Variants in UBE2H observed in about 807,000 individuals in gnomAD.
UBE2H encodes the protein ubiquitin-conjugating enzyme E2 H.
In UBE2H, 3 loss-of-function variants were observed where a neutral mutation model predicts 29.0. That is an observed-to-expected ratio of 0.10 (90% confidence interval 0.05 to 0.27). The LOEUF (loss-of-function observed/expected upper bound fraction) is 0.27. Among genes scored for constraint, UBE2H ranks in the 10% least tolerant of loss-of-function variants. UBE2H has a pLI of 1.00. For synonymous variants in UBE2H, 69 were observed against 82.9 expected, an observed-to-expected ratio of 0.83 and a Z score of 0.91; for missense variants, 68 against 228.2, an observed-to-expected ratio of 0.30 and a Z score of 4.52.
intron 1 of UBE2H, among the ~76,000 whole-genome samples, chr7:129,948,372 A>G (rs1807805884): frequency 6.6e-6 from 1 of 152,232 alleles, no homozygotes; most frequent in Non-Finnish European, 1.5e-5. Flanking sequence ...CCTAAAGCAG[A>G]CACCAACGAT....
intron 1 of UBE2H, among the ~76,000 whole-genome samples, chr7:129,937,588 C>T (rs1490579884): frequency 2.0e-5 from 3 of 152,114 alleles, no homozygotes; most frequent in Admixed American, 1.3e-4. Context: ...TTCACAACAG[C>T]ATGACAAACA....
At chr7:129,856,372 AC>A (rs1805705125) in intron 5 of UBE2H, among the ~76,000 whole-genome samples, 1 of 152,058 alleles carries the variant, frequency 6.6e-6, no homozygotes, top group Admixed American at 6.6e-5. Flanking sequence ...TTCAACCCAT[AC>A]TGGTGAAGGG....
intron 3 of UBE2H, among the ~76,000 whole-genome samples, chr7:129,861,767 T>C (rs927350498): frequency 6.6e-6 from 1 of 152,048 alleles, no homozygotes; most frequent in African/African-American, 2.4e-5. Flanking sequence ...GGCGCCCACC[T>C]GTAGTCCCAG....
intron 1 of UBE2H, among the ~76,000 whole-genome samples, chr7:129,885,316 A>C (rs1806337637): frequency 6.6e-6 from 1 of 152,260 alleles, no homozygotes; most frequent in Admixed American, 6.5e-5. Flanking sequence ...TTATAACATA[A>C]AAATCCACAG....
intron 1 of UBE2H, among the ~76,000 whole-genome samples, chr7:129,908,284 C>T (rs1414588781): frequency 6.6e-6 from 1 of 152,152 alleles, no homozygotes; most frequent in South Asian, 2.1e-4. Context: ...AATAAGAAAC[C>T]TTTGTGTCTC....
chr7:129,943,612 A>G (rs1217194666), intron 1 of UBE2H, among the ~76,000 whole-genome samples: 1 of 152,066 alleles, frequency 6.6e-6, no homozygotes, highest in Non-Finnish European at 1.5e-5. Flanking sequence ...CAAACAAAAA[A>G]CCAGATTGGC....
At chr7:129,919,307 A>G (rs1005263689) in intron 1 of UBE2H, among the ~76,000 whole-genome samples, 5 of 152,268 alleles carry the variant, frequency 3.3e-5, no homozygotes, top group African/African-American at 1.2e-4. Context: ...TTGATTGACC[A>G]TCACGTTTAA....
In UBE2H at chr7:129,863,808, G is replaced by GTTTTTTTTTTTCTGTTTTT. The variant is rs1554432032; in HGVS notation, c.206-4868_206-4867insAAAAACAGAAAAAAAAAAA. On this transcript the variant is annotated intron_variant, in intron 3 of 6. Coordinates refer to ENST00000355621, the MANE Select transcript of UBE2H (RefSeq NM_003344.4). ...AAAATGATCTCTTCCAATACTAGGT[G>GTTTTTTTTTTTCTGTTTTT]TTTTTTTTTTTTTTTGAGATAAGGT... Among the ~76,000 whole-genome samples, 1,044 of 135,954 alleles carry GTTTTTTTTTTTCTGTTTTT rather than the reference G, an allele frequency of 7.7e-3. 11 individuals carry two copies. Among genetic ancestry groups the GTTTTTTTTTTTCTGTTTTT allele is most frequent in the Non-Finnish European group, 0.012 (789 of 63,572 alleles). 89.2% of individuals were successfully genotyped at this position (135,954 alleles called of 152,430 possible).
chr7:129,885,260 G>C (rs531325014), intron 1 of UBE2H, among the ~76,000 whole-genome samples: 3 of 152,274 alleles, frequency 2.0e-5, no homozygotes, highest in African/African-American at 7.2e-5. Flanking sequence ...GAACGGAGTA[G>C]TGCAGAAGAT....
intron 1 of UBE2H, among the ~76,000 whole-genome samples, chr7:129,890,349 G>GTATA (rs1806457160): frequency 6.6e-6 from 1 of 151,334 alleles, no homozygotes; most frequent in South Asian, 2.1e-4. Context: ...ATATATGTAT[G>GTATA]TATATATACA....
chr7:129,837,963 G>C (rs1291917796), intron 6 of UBE2H, among the ~76,000 whole-genome samples: 1 of 152,172 alleles, frequency 6.6e-6, no homozygotes, highest in Non-Finnish European at 1.5e-5. Flanking sequence ...AAATTGTTGA[G>C]ACAGAATGCA....
intron 1 of UBE2H, among the ~76,000 whole-genome samples, chr7:129,890,074 A>G (rs1806443624): frequency 6.6e-6 from 1 of 152,120 alleles, no homozygotes; most frequent in Admixed American, 6.5e-5. Flanking sequence ...TTGAGTCTGT[A>G]GTAAGCTATG....
intron 1 of UBE2H, among the ~76,000 whole-genome samples, chr7:129,910,660 TTGTC>T (rs1167048124): frequency 1.3e-4 from 20 of 151,912 alleles, no homozygotes; most frequent in Non-Finnish European, 2.4e-4. Flanking sequence ...GGAAGGCTGA[TTGTC>T]TGAGGTCTGG....
chr7:129,855,631 T>C (rs1805690551), intron 5 of UBE2H, among the ~76,000 whole-genome samples: 1 of 152,124 alleles, frequency 6.6e-6, no homozygotes, highest in African/African-American at 2.4e-5. Context: ...TGTGCGTGTG[T>C]ATAGAGAGAG....
chr7:129,857,614 G>A lies in UBE2H; in HGVS notation c.246-51C>T, dbSNP rs372671397. The A allele has an allele frequency of 5.1e-6, 8 of 1,575,346 alleles. No homozygotes were observed. The African/African-American group carries it at 9.6e-5, about 19-fold the overall frequency. On this transcript the variant is annotated intron_variant, in intron 4 of 6. Coordinates refer to ENST00000355621, the MANE Select transcript of UBE2H (RefSeq NM_003344.4). ...GTTTTTAAAAATTAGAAAGTTAGTT[G>A]CATGTATCTGGCAACTAATTTTTAC...
At chr7:129,846,708 T>C (rs1434628741) in intron 5 of UBE2H, among the ~76,000 whole-genome samples, 1 of 152,220 alleles carries the variant, frequency 6.6e-6, no homozygotes, top group Non-Finnish European at 1.5e-5. Context: ...CTAAATATTC[T>C]TCATTTGTTT....
chr7:129,935,310 G>A (rs1807504505), intron 1 of UBE2H, among the ~76,000 whole-genome samples: 1 of 151,392 alleles, frequency 6.6e-6, no homozygotes, highest in Non-Finnish European at 1.5e-5. Flanking sequence ...CTACTCAGGA[G>A]GCTGAGGCAG....
intron 1 of UBE2H, among the ~76,000 whole-genome samples, chr7:129,882,437 A>G (rs1367787890): frequency 2.0e-5 from 3 of 152,202 alleles, no homozygotes. Context: ...ATTTGAAATT[A>G]AATATTTGGC....
At chr7:129,846,568 C>T (rs1431222766) in intron 5 of UBE2H, among the ~76,000 whole-genome samples, 2 of 11,816 alleles carry the variant, frequency 1.7e-4, no homozygotes, top group South Asian at 0.033. Flanking sequence ...TACCACCCCC[C>T]ACTCAAAAAA....
Sources: gnomAD v4.1 joint callset for allele counts (sites outside exome capture counted in the v4.1 genomes callset) on GRCh38, gnomAD v4.1.1 for gene constraint, MANE v1.5 for transcripts, NCBI Gene and HGNC (gene_info 2026-07-23, HGNC 2026-07-21) for gene names.